Variants in LDHC observed in about 807,000 individuals in gnomAD.
LDHC encodes L-lactate dehydrogenase C chain.
LDHC carries 20 observed loss-of-function variants against 30.2 expected under a neutral mutation model. That is an observed-to-expected ratio of 0.66 (90% CI 0.47 to 0.96). The LOEUF is 0.96. LDHC is among the 40% of genes least tolerant of loss of function. The pLI is 0.00. For missense variants in LDHC, 362 were observed against 394.9 expected (o/e 0.92, Z 0.71); for synonymous variants, 139 against 132.7 (o/e 1.05, Z -0.32).
chr11:18,440,832 G>A (rs1178636812), intron 6 of LDHC, among the ~76,000 whole-genome samples: 1 of 151,718 alleles, frequency 6.6e-6, no homozygotes, highest in African/African-American at 2.4e-5. Flanking sequence ...GGGTGGTTGA[G>A]GCAGGAAGAT....
intron 6 of LDHC, among the ~76,000 whole-genome samples, chr11:18,440,122 A>T (rs1848438211): frequency 6.7e-6 from 1 of 149,300 alleles, no homozygotes; most frequent in Non-Finnish European, 1.5e-5. Flanking sequence ...CAATATGGTG[A>T]AACTCCGTCT....
intron 7 of LDHC, among the ~76,000 whole-genome samples, chr11:18,447,415 G>A (rs1047274637): frequency 4.6e-5 from 7 of 152,118 alleles, no homozygotes; most frequent in African/African-American, 1.7e-4. Context: ...GATTACAGGC[G>A]TGAGCCACCA....
At chr11:18,434,961 C>A in intron 5 of LDHC, 48 bp downstream of exon 5, 2 of 1,276,418 alleles carry the variant, frequency 1.6e-6, no homozygotes, top group South Asian at 1.5e-5. Flanking sequence ...CTTATCTCTA[C>A]TAGTGCTTAT....
chr11:18,442,141 G>C (rs1363629248), intron 6 of LDHC, among the ~76,000 whole-genome samples: 1 of 152,054 alleles, frequency 6.6e-6, no homozygotes, highest in Admixed American at 6.6e-5. Flanking sequence ...ATAGCCCTCA[G>C]GGTCTGCATA....
chr11:18,448,987 C>A (rs1189780465), intron 7 of LDHC, among the ~76,000 whole-genome samples: 1 of 152,034 alleles, frequency 6.6e-6, no homozygotes, highest in African/African-American at 2.4e-5. Context: ...ACCCAGCAGT[C>A]CTCAGATGGC....
At position 18,421,358 on chromosome 11, in the gene LDHC, A is replaced by C. The variant is rs193206586; in HGVS notation, c.244+6057A>C. ...GAGTGAGCCACCATGGCTGGCCTCA[A>C]ATTTTTAAATAATTTTTAAAGAGGT... On this transcript the variant is annotated intron_variant, in intron 3 of 7. Coordinates refer to ENST00000541669, the MANE Select transcript of LDHC (RefSeq NM_017448.5). Among the ~76,000 whole-genome samples, 3 of 152,100 alleles carry C rather than the reference A, an allele frequency of 2.0e-5. No individual in the cohort carries two copies. In the East Asian group the frequency reaches 5.8e-4, roughly 30 times the overall value.
At chr11:18,439,015 C>G (rs922714340) in intron 6 of LDHC, among the ~76,000 whole-genome samples, 5 of 152,080 alleles carry the variant, frequency 3.3e-5, no homozygotes, top group Non-Finnish European at 7.3e-5. Context: ...AATTATAGAA[C>G]CTACTTTACA....
intron 3 of LDHC, among the ~76,000 whole-genome samples, chr11:18,424,208 CCT>C (rs899073375): frequency 3.9e-5 from 6 of 152,024 alleles, no homozygotes; most frequent in Non-Finnish European, 8.8e-5. Flanking sequence ...ATGGTGAAAC[CCT>C]GTCTCTACTA....
intron 5 of LDHC, among the ~76,000 whole-genome samples, chr11:18,436,415 A>C (rs1420520776): frequency 6.6e-6 from 1 of 151,592 alleles, no homozygotes; most frequent in Non-Finnish European, 1.5e-5. Context: ...GTTATCTATA[A>C]ATTTTTAACA....
At chr11:18,442,952 A>C (rs765504110) in intron 6 of LDHC, among the ~76,000 whole-genome samples, 1 of 152,010 alleles carries the variant, frequency 6.6e-6, no homozygotes, top group East Asian at 1.9e-4. Context: ...TATATTTCTA[A>C]AGCAAATGTA....
chr11:18,434,405 A>G (rs1366818954), intron 4 of LDHC, among the ~76,000 whole-genome samples: 1 of 151,852 alleles, frequency 6.6e-6, no homozygotes, highest in African/African-American at 2.4e-5. Flanking sequence ...TATATTACCA[A>G]AGTTGGTTTT....
chr11:18,426,293 G>T (rs1022957461), intron 3 of LDHC, among the ~76,000 whole-genome samples: 1 of 152,088 alleles, frequency 6.6e-6, no homozygotes, highest in Non-Finnish European at 1.5e-5. Flanking sequence ...TTGGGAGCCC[G>T]AGGCAGGTGG....
At chr11:18,438,395 C>T in intron 5 of LDHC, 133 bp from the exon 6 acceptor site, 1 of 624,796 alleles carries the variant, frequency 1.6e-6, no homozygotes, top group South Asian at 1.9e-5. Context: ...GGTTACATTT[C>T]AACATGAGAT....
intron 6 of LDHC, among the ~76,000 whole-genome samples, chr11:18,443,450 T>G (rs1294194722): frequency 7.4e-6 from 1 of 135,162 alleles, no homozygotes; most frequent in Admixed American, 7.4e-5. Context: ...GTTCTTTCTT[T>G]TCTTTCTTTC....
In LDHC at chr11:18,415,265, C is replaced by T. The variant is rs1335690336; in HGVS notation, c.208C>T (p.Leu70Phe). 1.9e-6 allele frequency: 3 copies of T among 1,602,154 alleles called. No homozygotes were observed. Among genetic ancestry groups the T allele is most frequent in the Admixed American group, 3.3e-5 (2 of 59,866 alleles). Residue 70 changes from leucine to phenylalanine, a missense_variant, in exon 3 of 8, where the codon CTT (leucine) becomes TTT (phenylalanine). Coordinates refer to ENST00000541669, the MANE Select transcript of LDHC (RefSeq NM_017448.5). ...AATGATGGATCTTCAGCATGGCAGT[C>T]TTTTCTTTAGTACTTCAAAGATTAC... ...GEMMDLQHGS[L>F]FFSTSKITSG...
chr11:18,412,926 G>C (rs1042767478), intron 2 of LDHC, 83 bp downstream of exon 2: 8 of 1,313,026 alleles, frequency 6.1e-6, no homozygotes, highest in Admixed American at 4.6e-5. Flanking sequence ...AGGGTTGCAA[G>C]GTTAATCCCT....
chr11:18,448,940 G>A (rs16935432), intron 7 of LDHC, among the ~76,000 whole-genome samples: 20,685 of 152,054 alleles, frequency 0.14, 1,498 homozygotes, highest in Middle Eastern at 0.2. Context: ...GCCAGGCTTG[G>A]TCCCAGGATT....
At position 18,445,750 on chromosome 11, in the gene LDHC, C is replaced by T. The variant is rs143813495; in HGVS notation, c.711-460C>T. Reference sequence around the variant, plus strand: ...CTCCAGGAAACTGAGGCGAGCAGATCGCTTGAGCTCAGAAGTTTGAAACCA... The same window carrying T: ...CTCCAGGAAACTGAGGCGAGCAGATTGCTTGAGCTCAGAAGTTTGAAACCA... On this transcript the variant is annotated intron_variant, in intron 6 of 7. Coordinates refer to ENST00000541669, the MANE Select transcript of LDHC (RefSeq NM_017448.5). 3.2e-3 allele frequency among the ~76,000 whole-genome samples: 485 copies of T among 152,200 alleles called. 5 individuals carry two copies. Among genetic ancestry groups the T allele is most frequent in the African/African-American group, 0.011 (463 of 41,538 alleles).
At chr11:18,441,410 GC>G (rs1332904900) in intron 6 of LDHC, among the ~76,000 whole-genome samples, 2 of 151,706 alleles carry the variant, frequency 1.3e-5, no homozygotes, top group Non-Finnish European at 2.9e-5. Flanking sequence ...CCGGGTTCAA[GC>G]AATTCTCCTG....
Sources: gnomAD v4.1 joint callset for allele counts (sites outside exome capture counted in the v4.1 genomes callset) on GRCh38, gnomAD v4.1.1 for gene constraint, MANE v1.5 for transcripts, NCBI Gene and HGNC (gene_info 2026-07-23, HGNC 2026-07-21) for gene names.